Variants in NLRP11 observed in about 807,000 individuals in gnomAD.
The protein encoded by NLRP11 is NACHT, LRR and PYD domains-containing protein 11.
NLRP11 carries 53 observed loss-of-function variants against 79.3 expected under a neutral mutation model. The observed-to-expected ratio is 0.67, with a 90% CI of 0.54 to 0.84. The LOEUF (loss-of-function observed/expected upper bound fraction) is 0.84. Ranked by LOEUF, NLRP11 falls within the 40% of genes least tolerant of loss-of-function variation. NLRP11 has a pLI of 0.00. For missense variants in NLRP11, 1,264 were observed against 1,255.0 expected (o/e 1.01, Z -0.11); for synonymous variants, 518 against 462.6 (o/e 1.12, Z -1.54).
chr19:55,814,967 TC>T (rs1373746480), intron 2 of NLRP11, among the ~76,000 whole-genome samples: 1 of 152,146 alleles, frequency 6.6e-6, no homozygotes, highest in East Asian at 1.9e-4. Flanking sequence ...TATCAAAACA[TC>T]AAGTTGTACA....
rs1555801965 is a variant in NLRP11 at position 55,798,001 on chromosome 19, T to TTA, written c.2172-1752_2172-1751insTA. On this transcript the variant is annotated intron_variant, in intron 5 of 9. Coordinates refer to ENST00000589093, the Ensembl canonical transcript of NLRP11. ...ATGGTGTATTCTATATTATTATTATTTTTTTTTTTTTTGAGATGGAGTTTT... is the reference window on the plus strand; with the variant it reads ...ATGGTGTATTCTATATTATTATTATTTATTTTTTTTTTTTGAGATGGAGTTTT... Among the ~76,000 whole-genome samples the TTA allele has an allele frequency of 3.1e-3, 450 of 145,420 alleles. 16 individuals carry two copies. In the South Asian group the frequency reaches 0.06, roughly 19 times the overall value.
intron 7 of NLRP11, among the ~76,000 whole-genome samples, chr19:55,790,959 T>A (rs949252535): frequency 6.6e-6 from 1 of 151,534 alleles, no homozygotes; most frequent in Non-Finnish European, 1.5e-5. Flanking sequence ...TGGACAGTTA[T>A]ACTTAAGACA....
chr19:55,805,786 C>T (rs994976017), intron 4 of NLRP11, among the ~76,000 whole-genome samples: 5 of 152,134 alleles, frequency 3.3e-5, no homozygotes, highest in African/African-American at 7.2e-5. Flanking sequence ...GTGATCCACC[C>T]GCCTCAGCCT....
At chr19:55,830,184 T>A (rs1982611741) in intron 1 of NLRP11, among the ~76,000 whole-genome samples, 1 of 152,094 alleles carries the variant, frequency 6.6e-6, no homozygotes. Context: ...CCCCCCTAAG[T>A]GAACACAAGT....
chr19:55,822,907 C>T (rs911005087), intron 1 of NLRP11, among the ~76,000 whole-genome samples: 8 of 152,340 alleles, frequency 5.3e-5, no homozygotes, highest in Non-Finnish European at 1.0e-4. Flanking sequence ...GGGGGGAGCC[C>T]ACCACAGCTC....
intron 5 of NLRP11, among the ~76,000 whole-genome samples, chr19:55,799,587 T>C (rs1239414546): frequency 6.6e-6 from 1 of 152,122 alleles, no homozygotes; most frequent in East Asian, 1.9e-4. Context: ...GGGGAGAGGC[T>C]AACTACAAAG....
At chr19:55,834,142 T>A (rs1411573807), upstream of NLRP11, among the ~76,000 whole-genome samples, 2 of 152,194 alleles carry the variant, frequency 1.3e-5, no homozygotes, top group Admixed American at 6.5e-5. Flanking sequence ...TTTTGATCAA[T>A]TTGATTTCAT....
upstream of NLRP11, among the ~76,000 whole-genome samples, chr19:55,834,494 T>C (rs1983065205): frequency 6.6e-6 from 1 of 152,086 alleles, no homozygotes; most frequent in Non-Finnish European, 1.5e-5. Flanking sequence ...ACATCAGGAG[T>C]AGGCAGTAAG....
intron 7 of NLRP11, among the ~76,000 whole-genome samples, chr19:55,791,148 T>C (rs1207717114): frequency 6.6e-6 from 1 of 152,188 alleles, no homozygotes; most frequent in East Asian, 1.9e-4. Context: ...AAAATAGTTA[T>C]GACAGGGACA....
intron 2 of NLRP11, among the ~76,000 whole-genome samples, chr19:55,815,112 G>T (rs894606412): frequency 4.3e-5 from 6 of 139,762 alleles, no homozygotes; most frequent in African/African-American, 1.6e-4. Context: ...TCAAATTCAG[G>T]TTACAAAAAA....
chr19:55,797,443 A>G (rs1299614080), intron 5 of NLRP11, among the ~76,000 whole-genome samples: 1 of 152,230 alleles, frequency 6.6e-6, no homozygotes, highest in Non-Finnish European at 1.5e-5. Context: ...TCTTTCAACT[A>G]ACAAATATTG....
chr19:55,817,674 G>A (rs1247349960), intron 2 of NLRP11, among the ~76,000 whole-genome samples: 1 of 152,156 alleles, frequency 6.6e-6, no homozygotes, highest in African/African-American at 2.4e-5. Context: ...TCGGCGGGAA[G>A]TGTGAGAGGG....
chr19:55,831,918 GACC>G (rs1982833383), intron 1 of NLRP11, 42 bp downstream of exon 1: 2 of 152,110 alleles, frequency 1.3e-5, no homozygotes, highest in Admixed American at 1.3e-4. Context: ...AATAAAAAAA[GACC>G]TTAAAATCCA....
At chr19:55,802,929 T>C (rs909920142) in intron 4 of NLRP11, among the ~76,000 whole-genome samples, 2 of 152,142 alleles carry the variant, frequency 1.3e-5, no homozygotes, top group African/African-American at 4.8e-5. Context: ...GACTCCCTTT[T>C]CAATAAATGG....
upstream of NLRP11, among the ~76,000 whole-genome samples, chr19:55,833,104 A>G (rs1982938679): frequency 6.6e-6 from 1 of 152,232 alleles, no homozygotes; most frequent in Non-Finnish European, 1.5e-5. Flanking sequence ...AGGATGCCAC[A>G]TGCAGTTCCA....
At chr19:55,789,288 T>C in exon 8 of NLRP11, 2 of 1,614,202 alleles carry the variant, frequency 1.2e-6, no homozygotes, top group South Asian at 1.1e-5. Context: ...GCTGCATTCC[T>C]GCATCTTCTA....
intron 7 of NLRP11, among the ~76,000 whole-genome samples, chr19:55,791,944 A>G (rs1990258239): frequency 6.6e-6 from 1 of 152,148 alleles, no homozygotes; most frequent in Admixed American, 6.5e-5. Flanking sequence ...CAACCCCAAA[A>G]GATATTCACT....
upstream of NLRP11, among the ~76,000 whole-genome samples, chr19:55,835,027 A>T (rs1029361568): frequency 6.6e-6 from 1 of 152,174 alleles, no homozygotes; most frequent in East Asian, 1.9e-4. Context: ...TTATGGGTAC[A>T]TGAGTCTGCA....
intron 4 of NLRP11, among the ~76,000 whole-genome samples, chr19:55,804,124 A>C (rs1346461750): frequency 6.6e-6 from 1 of 152,156 alleles, no homozygotes; most frequent in Non-Finnish European, 1.5e-5. Flanking sequence ...GTGTGTGTAT[A>C]AATAAAACAG....
Sources: gnomAD v4.1 joint callset for allele counts (sites outside exome capture counted in the v4.1 genomes callset) on GRCh38, gnomAD v4.1.1 for gene constraint, MANE v1.5 for transcripts, NCBI Gene and HGNC (gene_info 2026-07-23, HGNC 2026-07-21) for gene names.